Variants in TCF3 observed in about 807,000 individuals in gnomAD.
The protein encoded by TCF3 is transcription factor E2-alpha.
TCF3 carries 54 observed loss-of-function variants against 72.3 expected under a neutral mutation model. The observed-to-expected ratio is 0.75, with a 90% CI of 0.60 to 0.94. The LOEUF is 0.94. Among genes scored for constraint, TCF3 ranks in the 40% least tolerant of loss-of-function variants. TCF3 has a pLI of 0.00. For missense variants in TCF3, 1,078 were observed against 934.4 expected (o/e 1.15, Z -2.00); for synonymous variants, 525 against 412.6 (o/e 1.27, Z -3.30).
At chr19:1,619,732 T>C (rs1442814091) in intron 14 of TCF3, 48 bp downstream of exon 14, 3 of 1,236,986 alleles carry the variant, frequency 2.4e-6, no homozygotes, top group East Asian at 6.2e-5. Context: ...GCGTCTGTCC[T>C]GCAAATTCTG....
intron 3 of TCF3, among the ~76,000 whole-genome samples, chr19:1,633,707 G>C (rs972895331): frequency 1.2e-4 from 19 of 152,276 alleles, no homozygotes; most frequent in African/African-American, 4.6e-4. Context: ...GCCTTGGCTG[G>C]GTTGGGGGCC....
At chr19:1,638,225 C>T (rs1298788064) in intron 3 of TCF3, among the ~76,000 whole-genome samples, 1 of 152,334 alleles carries the variant, frequency 6.6e-6, no homozygotes. Flanking sequence ...TACCCCTACC[C>T]TACAGATAAG....
chr19:1,651,521 G>A (rs954710005), intron 1 of TCF3, among the ~76,000 whole-genome samples: 2 of 152,196 alleles, frequency 1.3e-5, no homozygotes, highest in Non-Finnish European at 2.9e-5. Context: ...GACTTAGTTG[G>A]GGGGGTGGCG....
In TCF3 at chr19:1,610,268, C is replaced by T. The variant is rs747427808; in HGVS notation, c.*1439G>A. On this transcript the variant is annotated 3_prime_UTR_variant, in exon 19 of 19. Transcript: ENST00000262965. ...TGGGGCTCAGACCAGCACAGTCCCC[C>T]GGCTCCAGCCACTCTTGCCCTTGGA... 5.2e-4 allele frequency: 120 copies of T among 231,964 alleles called. 2 individuals are homozygous for T. The highest frequency in any genetic ancestry group is 2.7e-3 in the Admixed American group (48 of 17,750). The allele number at this position is 231,964 out of a possible 1,614,324, so 14.4% of individuals were successfully genotyped here.
intron 3 of TCF3, among the ~76,000 whole-genome samples, chr19:1,635,758 T>C (rs751810135): frequency 1.3e-5 from 2 of 152,152 alleles, no homozygotes; most frequent in Non-Finnish European, 2.9e-5. Flanking sequence ...CATTTAAAAA[T>C]GTGTATATGG....
At chr19:1,612,648 T>C (rs775910168) in intron 18 of TCF3, among the ~76,000 whole-genome samples, 13 of 147,482 alleles carry the variant, frequency 8.8e-5, no homozygotes, top group African/African-American at 1.3e-4. Flanking sequence ...ACACGGCTGG[T>C]GTTGGTGTGG....
chr19:1,634,522 G>T (rs1350324172), intron 3 of TCF3, among the ~76,000 whole-genome samples: 1 of 152,194 alleles, frequency 6.6e-6, no homozygotes, highest in African/African-American at 2.4e-5. Flanking sequence ...TGTGGAAGCC[G>T]CCCACCTGCC....
chr19:1,611,867 A>G lies in TCF3; in HGVS notation c.1823-18T>C. On this transcript the variant is annotated intron_variant, in intron 18 of 18. Coordinates refer to ENST00000262965, the MANE Select transcript of TCF3 (RefSeq NM_003200.5). ...GTTCCGCTCTGGAGGGAGGGGGGAG[A>G]GCTCTGTGGGAGACGGTCCCAGGGA... The G allele has an allele frequency of 6.5e-7, 1 of 1,531,770 alleles. No homozygotes were observed. Among genetic ancestry groups the G allele is most frequent in the East Asian group, 3.1e-5 (1 of 32,466 alleles). The allele number at this position is 1,531,770 out of a possible 1,614,324, so 94.9% of individuals were successfully genotyped here.
chr19:1,618,662 C>T (rs950572000), intron 16 of TCF3, among the ~76,000 whole-genome samples: 8 of 152,202 alleles, frequency 5.3e-5, no homozygotes, highest in Non-Finnish European at 1.0e-4. Flanking sequence ...ACTCTTGCCT[C>T]CTCCCAGATG....
intron 13 of TCF3, 36 bp from the exon 14 acceptor site, chr19:1,619,889 G>C: frequency 6.6e-7 from 1 of 1,525,596 alleles, no homozygotes; most frequent in Admixed American, 2.0e-5. Flanking sequence ...GGGTGCGAGG[G>C]GCGGGGTGTG....
At chr19:1,638,491 A>G (rs10409386) in intron 3 of TCF3, among the ~76,000 whole-genome samples, 47,019 of 152,092 alleles carry the variant, frequency 0.31, 8,446 homozygotes, top group East Asian at 0.84. Flanking sequence ...CACCGTGTTA[A>G]CCAGGATGGT....
intron 7 of TCF3, among the ~76,000 whole-genome samples, chr19:1,625,072 T>G (rs753317792): frequency 6.6e-6 from 1 of 152,168 alleles, no homozygotes; most frequent in Non-Finnish European, 1.5e-5. Context: ...GTTTGCAACT[T>G]TTGGCCTCAA....
intron 18 of TCF3, among the ~76,000 whole-genome samples, chr19:1,612,642 G>T (rs915293528): frequency 6.6e-6 from 1 of 151,336 alleles, no homozygotes; most frequent in African/African-American, 2.4e-5. Context: ...GTGGGTACAC[G>T]GCTGGTGTTG....
At chr19:1,641,437 C>G (rs535398169) in intron 3 of TCF3, among the ~76,000 whole-genome samples, 37 of 152,174 alleles carry the variant, frequency 2.4e-4, no homozygotes, top group African/African-American at 5.5e-4. Flanking sequence ...GAGAACACAG[C>G]AAGACCCCAT....
chr19:1,646,810 G>C (rs75398647), intron 2 of TCF3, among the ~76,000 whole-genome samples: 1 of 152,208 alleles, frequency 6.6e-6, no homozygotes, highest in Admixed American at 6.5e-5. Context: ...TTGTCTTTAC[G>C]TTTCAGCTCT....
chr19:1,646,010 T>A (rs751501983), intron 3 of TCF3, among the ~76,000 whole-genome samples: 3 of 152,028 alleles, frequency 2.0e-5, no homozygotes, highest in Non-Finnish European at 2.9e-5. Context: ...TTCCCCCTTA[T>A]GGATTGACTG....
chr19:1,635,927 G>C (rs1471503630), intron 3 of TCF3, among the ~76,000 whole-genome samples: 1 of 152,166 alleles, frequency 6.6e-6, no homozygotes, highest in Non-Finnish European at 1.5e-5. Context: ...CCGATACAGG[G>C]TCACTATGAC....
intron 16 of TCF3, among the ~76,000 whole-genome samples, chr19:1,617,770 G>A (rs1185164762): frequency 6.6e-6 from 1 of 152,226 alleles, no homozygotes; most frequent in Non-Finnish European, 1.5e-5. Context: ...CTGCTGACCT[G>A]TGGGTCCGGA....
intron 5 of TCF3, among the ~76,000 whole-genome samples, chr19:1,630,044 C>T (rs1264816921): frequency 6.6e-6 from 1 of 152,228 alleles, no homozygotes; most frequent in Non-Finnish European, 1.5e-5. Flanking sequence ...CCCGCCTGCC[C>T]TCTCCAAGCT....
Sources: allele counts gnomAD v4.1 joint callset (sites outside exome capture counted in the v4.1 genomes callset), GRCh38; gene constraint gnomAD v4.1.1; transcripts MANE v1.5; gene names NCBI Gene and HGNC (gene_info 2026-07-23, HGNC 2026-07-21).